PDE4D: variants seen among roughly 807,000 people sequenced by gnomAD.
The protein encoded by PDE4D is 3',5'-cyclic-AMP phosphodiesterase 4D.
A neutral mutation model predicts 87.4 loss-of-function variants in PDE4D; 24 were observed. That is an observed-to-expected ratio of 0.27 (90% CI 0.20 to 0.39). The LOEUF (loss-of-function observed/expected upper bound fraction) is 0.39, where lower values mean the gene tolerates loss of function less well. PDE4D is among the 10% of genes least tolerant of loss of function. PDE4D has a pLI of 1.00. For missense variants in PDE4D, 714 were observed against 1,041.0 expected (o/e 0.69, Z 4.32); for synonymous variants, 384 against 383.2 (o/e 1.00, Z -0.02).
chr5:59,174,340 A>G (rs2153474679), intron 5 of PDE4D: 1 of 152,662 alleles, frequency 6.6e-6, no homozygotes, highest in East Asian at 1.9e-4. Context: ...AAAAGGAATG[A>G]AGACTTAGAC....
At position 58,976,466 on chromosome 5, in the gene PDE4D, C is replaced by T; in HGVS notation, c.1714G>A (p.Ala572Thr). ...TTCATGTGTTTTGACATATCTGTTG[C>T]AAGTACCTTAAAATATAGAGTATAT... The part of the protein sequence containing the change: ...LRKMVIDIVL[A>T]TDMSKHMNLL... The change falls in exon 13 of 15, where the codon GCA (alanine) becomes ACA (threonine). Residue 572 changes from alanine (A) to threonine (T), a missense_variant. Physicochemically the swap from Ala to Thr is moderately conservative, Grantham distance 58. Around this residue, in one of 7 missense-constraint regions of PDE4D, gnomAD observed 26 missense variants for 96.9 expected, o/e 0.27. Transcript: ENST00000340635. 3 of 1,563,740 alleles carry T rather than the reference C, an allele frequency of 1.9e-6. No homozygotes were observed. Among genetic ancestry groups the T allele is most frequent in the Non-Finnish European group, 2.6e-6 (3 of 1,151,092 alleles).
chr5:60,197,580 C>A (rs1440469959), intron 1 of PDE4D, among the ~76,000 whole-genome samples: 2 of 151,554 alleles, frequency 1.3e-5, no homozygotes, highest in East Asian at 3.8e-4. Flanking sequence ...GAGGTAGGTA[C>A]ATAAAAGTTG....
At chr5:59,646,033 A>C (rs964308462) in intron 1 of PDE4D, among the ~76,000 whole-genome samples, 5 of 152,234 alleles carry the variant, frequency 3.3e-5, no homozygotes, top group African/African-American at 1.2e-4. Context: ...AGCCAAAAAA[A>C]TCATAGAAAT....
chr5:60,132,594 T>C (rs556423942), intron 2 of PDE4D, among the ~76,000 whole-genome samples: 1 of 152,332 alleles, frequency 6.6e-6, no homozygotes, highest in African/African-American at 2.4e-5. Context: ...ATGCATTAGA[T>C]ACTTTGTATT....
At chr5:59,976,705 T>G (rs1024025281) in intron 3 of PDE4D, among the ~76,000 whole-genome samples, 2 of 152,200 alleles carry the variant, frequency 1.3e-5, no homozygotes, top group Non-Finnish European at 2.9e-5. Flanking sequence ...ATTGTGCTTT[T>G]ACCAATTGAA....
intron 1 of PDE4D, among the ~76,000 whole-genome samples, chr5:59,590,626 G>A (rs1289362253): frequency 1.3e-5 from 2 of 152,086 alleles, no homozygotes. Context: ...CCACAAATTG[G>A]CATAACCTCA....
intron 1 of PDE4D, among the ~76,000 whole-genome samples, chr5:59,322,882 A>G (rs1169155812): frequency 6.6e-6 from 1 of 152,118 alleles, no homozygotes; most frequent in Non-Finnish European, 1.5e-5. Context: ...AAGCAGCACT[A>G]TTCTGACCCA....
rs61288498 is a variant in PDE4D at position 59,056,653 on chromosome 5, T to C, written c.809-17682A>G. 2.7e-3 allele frequency among the ~76,000 whole-genome samples: 410 copies of C among 151,958 alleles called. 3 individuals carry two copies. The East Asian group carries it at 0.044, about 16-fold the overall frequency. On this transcript the variant is annotated intron_variant, in intron 5 of 14. Coordinates refer to ENST00000340635, the MANE Select transcript of PDE4D (RefSeq NM_001104631.2). Reference sequence around the variant, plus strand: ...TGTGATGTTCCCCTCCCTGTGTCCATGTGTTCTCATTGTTCAACTCCCACT... The same window carrying C: ...TGTGATGTTCCCCTCCCTGTGTCCACGTGTTCTCATTGTTCAACTCCCACT...
intron 5 of PDE4D, among the ~76,000 whole-genome samples, chr5:59,112,413 G>T (rs1344269034): frequency 6.6e-6 from 1 of 152,216 alleles, no homozygotes; most frequent in Non-Finnish European, 1.5e-5. Context: ...GATTTGCACT[G>T]ACTGCTGTCT....
intron 1 of PDE4D, among the ~76,000 whole-genome samples, chr5:59,494,334 G>T (rs1806759645): frequency 6.6e-6 from 1 of 152,140 alleles, no homozygotes; most frequent in South Asian, 2.1e-4. Flanking sequence ...TGGATTGCAG[G>T]TCTCAAAAAT....
chr5:59,179,747 C>A, intron 5 of PDE4D: 2 of 369,134 alleles, frequency 5.4e-6, no homozygotes, highest in Non-Finnish European at 5.2e-6. Context: ...AATCCAATGA[C>A]GAATTGTTTT....
chr5:60,070,593 G>T (rs1772604327), intron 2 of PDE4D, among the ~76,000 whole-genome samples: 1 of 151,966 alleles, frequency 6.6e-6, no homozygotes, highest in South Asian at 2.1e-4. Context: ...GATTCAGTTT[G>T]CTGGGGTTTA....
intron 1 of PDE4D, among the ~76,000 whole-genome samples, chr5:59,625,401 G>A (rs1243106763): frequency 6.6e-6 from 1 of 151,888 alleles, no homozygotes; most frequent in African/African-American, 2.4e-5. Context: ...TTCCAGATAA[G>A]ATCACAGCTG....
intron 3 of PDE4D, among the ~76,000 whole-genome samples, chr5:59,979,295 G>C (rs1274060777): frequency 6.6e-6 from 1 of 151,542 alleles, no homozygotes; most frequent in Admixed American, 6.6e-5. Context: ...GAATGGTAAA[G>C]AAGTATAGTA....
intron 5 of PDE4D, among the ~76,000 whole-genome samples, chr5:59,061,192 A>C (rs1333874544): frequency 2.6e-5 from 4 of 152,116 alleles, no homozygotes; most frequent in Admixed American, 2.6e-4. Flanking sequence ...ATCTAAAGCC[A>C]GTGTTCTCTC....
chr5:60,109,057 A>G (rs986396791), intron 2 of PDE4D, among the ~76,000 whole-genome samples: 4 of 151,550 alleles, frequency 2.6e-5, no homozygotes, highest in East Asian at 1.9e-4. Flanking sequence ...AGAAACTACC[A>G]TCAGAGTGAA....
chr5:60,445,299 A>T (rs1256776306), intron 1 of PDE4D, among the ~76,000 whole-genome samples: 1 of 152,226 alleles, frequency 6.6e-6, no homozygotes, highest in Non-Finnish European at 1.5e-5. Flanking sequence ...GTCCAACAAA[A>T]AGAGAAATCA....
intron 1 of PDE4D, among the ~76,000 whole-genome samples, chr5:59,545,082 C>A (rs180680628): frequency 6.6e-6 from 1 of 152,144 alleles, no homozygotes; most frequent in South Asian, 2.1e-4. Context: ...GGTAAAGAGA[C>A]CAGCCAAAAT....
At chr5:59,362,580 AG>A (rs1782390172) in intron 1 of PDE4D, among the ~76,000 whole-genome samples, 1 of 152,200 alleles carries the variant, frequency 6.6e-6, no homozygotes, top group South Asian at 2.1e-4. Flanking sequence ...CAAAACCCTA[AG>A]CTTCTCCTAA....
Sources: gnomAD v4.1 joint callset for allele counts (sites outside exome capture counted in the v4.1 genomes callset) on GRCh38, gnomAD v4.1.1 for gene constraint, gnomAD v4.1.1 regional missense constraint, MANE v1.5 for transcripts, NCBI Gene and HGNC (gene_info 2026-07-23, HGNC 2026-07-21) for gene names.